The following RAB2A variants were observed in gnomAD, a reference collection of about 807,000 sequenced individuals.
RAB2A encodes ras-related protein Rab-2A.
Under a neutral mutation model 32.5 loss-of-function variants are expected in RAB2A, and 7 were observed. The observed-to-expected ratio is 0.22, with a 90% CI of 0.12 to 0.40. The LOEUF is 0.40. Ranked by LOEUF, RAB2A falls within the 10% of genes least tolerant of loss-of-function variation. The pLI is 1.00. For missense variants in RAB2A, 108 were observed against 260.7 expected (o/e 0.41, Z 4.03); for synonymous variants, 79 against 85.2 (o/e 0.93, Z 0.40).
chr8:60,535,911 C>G (rs886302286), intron 1 of RAB2A, among the ~76,000 whole-genome samples: 1 of 152,164 alleles, frequency 6.6e-6, no homozygotes, highest in East Asian at 1.9e-4. Flanking sequence ...TCTAGGACAC[C>G]TGTCTCCCTG....
At chr8:60,585,164 C>T (rs1475289291) in intron 5 of RAB2A, among the ~76,000 whole-genome samples, 3 of 152,126 alleles carry the variant, frequency 2.0e-5, no homozygotes, top group African/African-American at 7.2e-5. Context: ...ATGGGAAAAC[C>T]TTCTTGCTTG....
intron 1 of RAB2A, among the ~76,000 whole-genome samples, chr8:60,546,994 TAAAC>T (rs764291658): frequency 3.4e-4 from 49 of 144,976 alleles, no homozygotes; most frequent in Non-Finnish European, 5.4e-4. Flanking sequence ...GGTCAGCAGA[TAAAC>T]AAGTGAACAA....
intron 6 of RAB2A, among the ~76,000 whole-genome samples, chr8:60,600,598 A>G (rs1399111647): frequency 2.0e-5 from 3 of 152,220 alleles, no homozygotes; most frequent in East Asian, 1.9e-4. Flanking sequence ...TCAAAAACCT[A>G]TACACAGATG....
chr8:60,605,101 A>G (rs1041302009), intron 6 of RAB2A, among the ~76,000 whole-genome samples: 1 of 151,860 alleles, frequency 6.6e-6, no homozygotes, highest in Non-Finnish European at 1.5e-5. Flanking sequence ...TCAGGACACT[A>G]CTCCCTGCAT....
intron 1 of RAB2A, among the ~76,000 whole-genome samples, chr8:60,517,567 C>G (rs1008209090): frequency 6.6e-6 from 1 of 152,104 alleles, no homozygotes; most frequent in South Asian, 2.1e-4. Context: ...GCCCGACTCA[C>G]ATGACTGCAC....
intron 5 of RAB2A, among the ~76,000 whole-genome samples, chr8:60,586,741 C>A (rs1412827064): frequency 6.6e-6 from 1 of 151,818 alleles, no homozygotes; most frequent in Admixed American, 6.6e-5. Flanking sequence ...TGTAGCAAGA[C>A]CCTATCTCTA....
At chr8:60,586,892 T>C (rs1803859264) in intron 5 of RAB2A, among the ~76,000 whole-genome samples, 1 of 147,684 alleles carries the variant, frequency 6.8e-6, no homozygotes, top group Non-Finnish European at 1.5e-5. Context: ...TTGTGCCACC[T>C]GCACTCCAGC....
chr8:60,527,279 A>G (rs1383080395), intron 1 of RAB2A, among the ~76,000 whole-genome samples: 13 of 152,212 alleles, frequency 8.5e-5, no homozygotes, highest in African/African-American at 3.1e-4. Flanking sequence ...CCCCTCCCCC[A>G]ACATTGGAAA....
intron 1 of RAB2A, among the ~76,000 whole-genome samples, chr8:60,522,975 A>G (rs555752947): frequency 1.3e-5 from 2 of 152,284 alleles, no homozygotes; most frequent in East Asian, 1.9e-4. Flanking sequence ...ATTTTATTAT[A>G]TAAGCAGATT....
At chr8:60,528,899 G>T (rs960983874) in intron 1 of RAB2A, among the ~76,000 whole-genome samples, 1 of 151,996 alleles carries the variant, frequency 6.6e-6, no homozygotes, top group Non-Finnish European at 1.5e-5. Context: ...TAAAAGACTC[G>T]GTAGGATTTT....
chr8:60,578,599 C>T (rs1168165414), intron 3 of RAB2A, among the ~76,000 whole-genome samples: 1 of 152,134 alleles, frequency 6.6e-6, no homozygotes, highest in Non-Finnish European at 1.5e-5. Flanking sequence ...TCTTGTGAGA[C>T]AAGTAGAGGT....
At chr8:60,537,043 T>C (rs1807568075) in intron 1 of RAB2A, among the ~76,000 whole-genome samples, 1 of 152,208 alleles carries the variant, frequency 6.6e-6, no homozygotes, top group Non-Finnish European at 1.5e-5. Flanking sequence ...AAAATGTAGA[T>C]GAGATCTTTT....
At chr8:60,522,381 TAAAA>T (rs1165849776) in intron 1 of RAB2A, among the ~76,000 whole-genome samples, 1 of 151,764 alleles carries the variant, frequency 6.6e-6, no homozygotes, top group African/African-American at 2.4e-5. Flanking sequence ...TATGTGTAAA[TAAAA>T]AAAGTCCCAA....
intron 6 of RAB2A, among the ~76,000 whole-genome samples, chr8:60,598,567 T>C (rs1804070319): frequency 6.6e-6 from 1 of 150,770 alleles, no homozygotes; most frequent in Admixed American, 6.6e-5. Flanking sequence ...TATATATACA[T>C]CATGGCCACA....
At chr8:60,526,047 A>ATATATATATATG (rs1467367163) in intron 1 of RAB2A, among the ~76,000 whole-genome samples, 1 of 121,588 alleles carries the variant, frequency 8.2e-6, no homozygotes, top group Non-Finnish European at 1.7e-5. Context: ...ATATATATAT[A>ATATATATATATG]TATATATATA....
chr8:60,610,524 A>C (rs1313223657), intron 6 of RAB2A, among the ~76,000 whole-genome samples: 1 of 152,198 alleles, frequency 6.6e-6, no homozygotes, highest in African/African-American at 2.4e-5. Context: ...AAGCCCATGG[A>C]TGCATACCAC....
At chr8:60,582,116 T>G (rs1002814550) in intron 3 of RAB2A, among the ~76,000 whole-genome samples, 1 of 151,964 alleles carries the variant, frequency 6.6e-6, no homozygotes, top group African/African-American at 2.4e-5. Flanking sequence ...CAGCTAATTT[T>G]TAAAATTTTT....
At chr8:60,528,229 C>T (rs1223142256) in intron 1 of RAB2A, among the ~76,000 whole-genome samples, 1 of 152,194 alleles carries the variant, frequency 6.6e-6, no homozygotes, top group Non-Finnish European at 1.5e-5. Context: ...CTGCTATTTA[C>T]CAGCCATGTG....
intron 1 of RAB2A, among the ~76,000 whole-genome samples, chr8:60,543,563 T>C (rs1162450639): frequency 6.6e-6 from 1 of 152,154 alleles, no homozygotes; most frequent in South Asian, 2.1e-4. Context: ...CAAAGATCCT[T>C]TTTCCAAATA....
Sources: gnomAD v4.1 joint callset for allele counts (sites outside exome capture counted in the v4.1 genomes callset) on GRCh38, gnomAD v4.1.1 for gene constraint, MANE v1.5 for transcripts, NCBI Gene and HGNC (gene_info 2026-07-23, HGNC 2026-07-21) for gene names.